The following WWOX variants were observed in gnomAD, a reference collection of about 807,000 sequenced individuals.
WWOX encodes WW domain-containing oxidoreductase.
In WWOX, 69 loss-of-function variants were observed where a neutral mutation model predicts 46.2. That is an observed-to-expected ratio of 1.49 (90% confidence interval 1.23 to 1.82). The LOEUF (loss-of-function observed/expected upper bound fraction) is 1.82, where lower values mean the gene tolerates loss of function less well. Among genes scored for constraint, WWOX ranks in the 40% most tolerant of loss-of-function variants. The probability of loss-of-function intolerance (pLI) is 0.00; values close to 1 mark genes in which losing one functional copy is unlikely to be tolerated. For missense variants in WWOX, 919 were observed against 542.6 expected (o/e 1.69, Z -6.89); for synonymous variants, 359 against 202.6 (o/e 1.77, Z -6.56).
intron 8 of WWOX, among the ~76,000 whole-genome samples, chr16:78,467,012 TG>T: frequency 6.6e-6 from 1 of 152,184 alleles, no homozygotes; most frequent in Non-Finnish European, 1.5e-5. Context: ...CACAGAGCCA[TG>T]GGGACACTAA....
At chr16:78,203,594 C>T (rs537771516) in intron 5 of WWOX, among the ~76,000 whole-genome samples, 3 of 152,138 alleles carry the variant, frequency 2.0e-5, no homozygotes, top group South Asian at 2.1e-4. Context: ...ACCGTATCTC[C>T]GTCTGCAAGA....
intron 8 of WWOX, among the ~76,000 whole-genome samples, chr16:78,892,995 C>T (rs9924856): frequency 0.042 from 6,424 of 152,206 alleles, 260 homozygotes; most frequent in East Asian, 0.24. Flanking sequence ...CCTTCAAGAG[C>T]GACAGCAGGA....
intron 5 of WWOX, among the ~76,000 whole-genome samples, chr16:78,210,904 A>G (rs544005315): frequency 3.3e-5 from 5 of 152,208 alleles, no homozygotes; most frequent in Non-Finnish European, 7.3e-5. Context: ...AATTTAGTAT[A>G]TTTATAGTTA....
At chr16:78,632,228 C>T (rs575320645) in intron 8 of WWOX, among the ~76,000 whole-genome samples, 1 of 152,202 alleles carries the variant, frequency 6.6e-6, no homozygotes, top group African/African-American at 2.4e-5. Flanking sequence ...TATATCTGTA[C>T]AATGGGGTTA....
chr16:78,695,309 T>C (rs923503856), intron 8 of WWOX, among the ~76,000 whole-genome samples: 1 of 152,110 alleles, frequency 6.6e-6, no homozygotes, highest in Non-Finnish European at 1.5e-5. Flanking sequence ...TTCCCCCCAC[T>C]TTTTCTCTCA....
intron 8 of WWOX, among the ~76,000 whole-genome samples, chr16:79,072,763 C>G (rs999217057): frequency 3.3e-5 from 5 of 152,206 alleles, no homozygotes; most frequent in African/African-American, 1.2e-4. Context: ...TCAACTTTGC[C>G]TGTATATTTA....
At chr16:79,088,312 T>A (rs568308907) in intron 8 of WWOX, among the ~76,000 whole-genome samples, 16 of 152,268 alleles carry the variant, frequency 1.1e-4, no homozygotes, top group Middle Eastern at 3.4e-3. Context: ...CGTTGGTTGT[T>A]TTCTCCAGCA....
chr16:79,044,146 C>T (rs1597318892), intron 8 of WWOX, among the ~76,000 whole-genome samples: 2 of 152,182 alleles, frequency 1.3e-5, no homozygotes, highest in African/African-American at 4.8e-5. Flanking sequence ...CTGGGAATCC[C>T]AAACAGCAAA....
chr16:78,932,471 C>T (rs1374042260), intron 8 of WWOX, among the ~76,000 whole-genome samples: 4 of 152,208 alleles, frequency 2.6e-5, no homozygotes, highest in Non-Finnish European at 5.9e-5. Context: ...ACACCGACAG[C>T]CACAGATAGA....
chr16:78,783,894 T>TGAC (rs1360068576), intron 8 of WWOX, among the ~76,000 whole-genome samples: 2 of 145,558 alleles, frequency 1.4e-5, no homozygotes, highest in African/African-American at 4.9e-5. Flanking sequence ...ATGGTGATGA[T>TGAC]GGTGATGACG....
chr16:78,539,918 C>G (rs900027086), intron 8 of WWOX, among the ~76,000 whole-genome samples: 2 of 151,936 alleles, frequency 1.3e-5, no homozygotes, highest in African/African-American at 2.4e-5. Context: ...ATTTATAAAA[C>G]CACACTTACA....
In WWOX at chr16:78,930,222, TCTTCCTTCCTTCCTTCCTTC is replaced by T. The variant is rs574392161; in HGVS notation, c.1057-281358_1057-281339del. Among the ~76,000 whole-genome samples, 381 of 105,000 alleles carry T rather than the reference TCTTCCTTCCTTCCTTCCTTC, an allele frequency of 3.6e-3. 2 individuals are homozygous for T. The highest frequency in any genetic ancestry group is 4.9e-3 in the Middle Eastern group (1 of 204). The allele number at this position is 105,000 out of a possible 152,430, so 68.9% of individuals were successfully genotyped here. ...CTGGGGTGGATTATTTCAGGACCTT[TCTTCCTTCCTTCCTTCCTTC>T]CTTCCTTCCTTCCTTCCTTCCTTCC... On this transcript the variant is annotated intron_variant, in intron 8 of 8. Coordinates refer to ENST00000566780, the MANE Select transcript of WWOX (RefSeq NM_016373.4).
intron 8 of WWOX, among the ~76,000 whole-genome samples, chr16:78,921,670 C>T (rs1190865584): frequency 6.6e-6 from 1 of 152,174 alleles, no homozygotes; most frequent in East Asian, 1.9e-4. Flanking sequence ...GAATGGGTTC[C>T]TGGCAACTCC....
intron 5 of WWOX, among the ~76,000 whole-genome samples, chr16:78,197,344 A>C (rs1042552147): frequency 2.6e-5 from 4 of 152,206 alleles, no homozygotes; most frequent in Admixed American, 1.3e-4. Context: ...CTCCTGGATG[A>C]TGCTGTAAAT....
At chr16:79,179,981 A>T (rs1373843218) in intron 8 of WWOX, among the ~76,000 whole-genome samples, 1 of 152,170 alleles carries the variant, frequency 6.6e-6, no homozygotes, top group Non-Finnish European at 1.5e-5. Flanking sequence ...ATGTTACTGG[A>T]TTCCTAGACC....
At chr16:78,947,374 T>C (rs1054201653) in intron 8 of WWOX, among the ~76,000 whole-genome samples, 4 of 151,362 alleles carry the variant, frequency 2.6e-5, no homozygotes, top group African/African-American at 4.9e-5. Context: ...ATTTTTCTCT[T>C]CCCCCCCTTA....
At chr16:78,872,326 A>G (rs1049443568) in intron 8 of WWOX, among the ~76,000 whole-genome samples, 1 of 152,222 alleles carries the variant, frequency 6.6e-6, no homozygotes, top group Non-Finnish European at 1.5e-5. Flanking sequence ...AATGTAGGGA[A>G]AACACTTGTT....
intron 8 of WWOX, among the ~76,000 whole-genome samples, chr16:78,505,510 G>C (rs924837081): frequency 6.6e-6 from 1 of 152,152 alleles, no homozygotes; most frequent in Admixed American, 6.5e-5. Context: ...AGCCCAGGGA[G>C]ACTGTTCAAG....
chr16:78,495,769 A>C (rs1292973733), intron 8 of WWOX, among the ~76,000 whole-genome samples: 2 of 152,086 alleles, frequency 1.3e-5, no homozygotes, highest in African/African-American at 2.4e-5. Context: ...CCACCTCCCA[A>C]AGTGCTGGGA....
Sources: gnomAD v4.1 joint callset for allele counts (sites outside exome capture counted in the v4.1 genomes callset) on GRCh38, gnomAD v4.1.1 for gene constraint, MANE v1.5 for transcripts, NCBI Gene and HGNC (gene_info 2026-07-23, HGNC 2026-07-21) for gene names.